The following DLG2 variants were observed in gnomAD, a reference collection of about 807,000 sequenced individuals.
DLG2 encodes disks large homolog 2.
A neutral mutation model predicts 132.5 loss-of-function variants in DLG2; 45 were observed. The observed-to-expected ratio is 0.34, with a 90% confidence interval of 0.27 to 0.44. The LOEUF (loss-of-function observed/expected upper bound fraction) is 0.44. DLG2 is among the 20% of genes least tolerant of loss of function. The pLI, the probability that DLG2 is intolerant of heterozygous loss-of-function variation, is 1.00. For missense variants in DLG2, 1,045 were observed against 1,196.9 expected (o/e 0.87, Z 1.87); for synonymous variants, 424 against 419.6 (o/e 1.01, Z -0.13).
chr11:85,354,105 T>C lies in DLG2; in HGVS notation c.41-68740A>G, dbSNP rs540498952. ...AGGTCCTCTCGCACTATTCATTTTT[T>C]TCTATGCCTCATCTTTCGTGCCCCA... On this transcript the variant is annotated intron_variant, in intron 3 of 27. Coordinates refer to ENST00000376104, the MANE Select transcript of DLG2 (RefSeq NM_001142699.3). Among the ~76,000 whole-genome samples, 62 of 152,224 alleles carry C rather than the reference T, an allele frequency of 4.1e-4. No homozygotes were observed. In the Middle Eastern group the frequency reaches 0.027, roughly 67 times the overall value.
intron 7 of DLG2, among the ~76,000 whole-genome samples, chr11:84,434,271 T>G (rs925575296): frequency 2.0e-5 from 3 of 152,230 alleles, no homozygotes; most frequent in Non-Finnish European, 4.4e-5. Flanking sequence ...ATAAAGAGGT[T>G]GAGTTACACA....
At chr11:84,121,393 T>C (rs1011509749) in intron 9 of DLG2, among the ~76,000 whole-genome samples, 4 of 152,146 alleles carry the variant, frequency 2.6e-5, no homozygotes, top group Non-Finnish European at 2.9e-5. Flanking sequence ...AAAATGAATA[T>C]ATAGGTCACT....
chr11:84,539,922 C>G (rs951509577), intron 6 of DLG2, among the ~76,000 whole-genome samples: 2 of 151,996 alleles, frequency 1.3e-5, no homozygotes, highest in African/African-American at 4.8e-5. Flanking sequence ...ACAAATCTGA[C>G]AAAAACAAGA....
rs779557759 is a variant in DLG2 at position 83,552,453 on chromosome 11, G to A, written c.1941-10595C>T. 1.2e-4 allele frequency among the ~76,000 whole-genome samples: 19 copies of A among 152,200 alleles called. 1 individual carries two copies. The highest frequency in any genetic ancestry group is 6.8e-3 in the Middle Eastern group (2 of 294). Reference sequence around the variant, plus strand: ...TGTGCTATGTTAGGAATTAGTATAGGGTGCTGCTCTGGGATTGTAGAGCTC... The same window carrying A: ...TGTGCTATGTTAGGAATTAGTATAGAGTGCTGCTCTGGGATTGTAGAGCTC... On this transcript the variant is annotated intron_variant, in intron 19 of 27. Coordinates refer to ENST00000376104, the MANE Select transcript of DLG2 (RefSeq NM_001142699.3).
At chr11:85,576,720 T>G (rs1182910421) in intron 3 of DLG2, among the ~76,000 whole-genome samples, 1 of 152,118 alleles carries the variant, frequency 6.6e-6, no homozygotes, top group Non-Finnish European at 1.5e-5. Flanking sequence ...ACAACCAAGT[T>G]CTTTCCTTCA....
intron 6 of DLG2, among the ~76,000 whole-genome samples, chr11:85,011,549 T>C (rs1245431159): frequency 1.3e-5 from 2 of 152,200 alleles, no homozygotes; most frequent in Non-Finnish European, 2.9e-5. Context: ...AAAAATACTT[T>C]CTTTGACTTC....
intron 6 of DLG2, among the ~76,000 whole-genome samples, chr11:84,851,210 C>T (rs1456639495): frequency 2.0e-5 from 3 of 152,064 alleles, no homozygotes; most frequent in East Asian, 1.9e-4. Flanking sequence ...ATTTTAGCTG[C>T]TTTTGTACTT....
In DLG2 at chr11:83,498,442, C is replaced by A. The variant is rs187272600; in HGVS notation, c.2194-14214G>T. ...AAATGTATGGAAATTAAGCAACACT[C>A]TCCTAACTAACCAATGGATCAAAGA... is the stretch of plus-strand genomic sequence containing the variant. On this transcript the variant is annotated intron_variant, in intron 21 of 27. Transcript: ENST00000376104. Among the ~76,000 whole-genome samples, 11 of 152,080 alleles carry A rather than the reference C, an allele frequency of 7.2e-5. No homozygotes were observed. In the East Asian group the frequency reaches 2.1e-3, roughly 29 times the overall value.
chr11:83,546,089 C>T (rs1037275745), intron 19 of DLG2, among the ~76,000 whole-genome samples: 5 of 152,086 alleles, frequency 3.3e-5, no homozygotes, highest in Non-Finnish European at 5.9e-5. Context: ...CCCTCCTACC[C>T]CTCCTGAATT....
At chr11:84,331,819 T>C (rs751455138) in intron 7 of DLG2, among the ~76,000 whole-genome samples, 15 of 152,152 alleles carry the variant, frequency 9.9e-5, no homozygotes, top group Non-Finnish European at 1.8e-4. Context: ...AAATCTTCTT[T>C]ATTTCAGATC....
intron 6 of DLG2, among the ~76,000 whole-genome samples, chr11:84,637,554 A>G (rs2099642881): frequency 6.6e-6 from 1 of 152,194 alleles, no homozygotes; most frequent in Non-Finnish European, 1.5e-5. Flanking sequence ...AGCAGGACAA[A>G]CTATAACCCA....
At chr11:85,412,170 G>A (rs958793054) in intron 3 of DLG2, among the ~76,000 whole-genome samples, 12 of 151,790 alleles carry the variant, frequency 7.9e-5, no homozygotes, top group Non-Finnish European at 1.8e-4. Flanking sequence ...GGCCTAAGTC[G>A]GCTCAATAAG....
intron 3 of DLG2, among the ~76,000 whole-genome samples, chr11:85,488,947 G>A (rs1003949150): frequency 4.6e-5 from 7 of 151,196 alleles, no homozygotes; most frequent in Admixed American, 3.9e-4. Flanking sequence ...CACCAAAGAG[G>A]AAGAAAAAAG....
intron 8 of DLG2, among the ~76,000 whole-genome samples, chr11:84,212,411 G>T (rs780126927): frequency 6.0e-4 from 92 of 152,234 alleles, no homozygotes; most frequent in Middle Eastern, 3.4e-3. Flanking sequence ...AAACACAATT[G>T]CTGCAATCCC....
intron 11 of DLG2, among the ~76,000 whole-genome samples, chr11:84,039,905 T>A (rs1212064155): frequency 6.8e-6 from 1 of 146,438 alleles, no homozygotes. Context: ...TTTTAATGAT[T>A]GCCATTCTAA....
intron 6 of DLG2, among the ~76,000 whole-genome samples, chr11:84,795,465 C>G (rs2074456098): frequency 6.6e-6 from 1 of 152,152 alleles, no homozygotes; most frequent in Admixed American, 6.5e-5. Context: ...GGACACTCAT[C>G]AGGATGACCT....
chr11:85,218,464 A>G (rs2082765205), intron 4 of DLG2, among the ~76,000 whole-genome samples: 1 of 152,230 alleles, frequency 6.6e-6, no homozygotes, highest in African/African-American at 2.4e-5. Flanking sequence ...ATCTGAAAAA[A>G]TGCTCATTAT....
At position 84,277,308 on chromosome 11, in the gene DLG2, A is replaced by G. The variant is rs368553782; in HGVS notation, c.520-26017T>C. On this transcript the variant is annotated intron_variant, in intron 7 of 27. Coordinates refer to ENST00000376104, the MANE Select transcript of DLG2 (RefSeq NM_001142699.3). ...AAGTGCTCAAATAGTATTTACCAAG[A>G]TAGAACATATTTTTAACTTGAAATC... Among the ~76,000 whole-genome samples the G allele has an allele frequency of 2.8e-4, 43 of 152,348 alleles. No homozygotes were observed. The South Asian group carries it at 8.9e-3, about 32-fold the overall frequency.
intron 9 of DLG2, among the ~76,000 whole-genome samples, chr11:84,114,880 G>T (rs2093558058): frequency 6.8e-6 from 1 of 147,600 alleles, no homozygotes; most frequent in African/African-American, 2.5e-5. Context: ...ATGTTGCCCA[G>T]CCTTGTCTCG....
Sources: gnomAD v4.1 joint callset for allele counts (sites outside exome capture counted in the v4.1 genomes callset) on GRCh38, gnomAD v4.1.1 for gene constraint, MANE v1.5 for transcripts, NCBI Gene and HGNC (gene_info 2026-07-23, HGNC 2026-07-21) for gene names.